SPATA6: variants seen among roughly 807,000 people sequenced by gnomAD.
The protein encoded by SPATA6 is spermatogenesis-associated protein 6.
In SPATA6, 56 loss-of-function variants were observed where a neutral mutation model predicts 65.3. The observed-to-expected ratio is 0.86, with a 90% CI of 0.69 to 1.07. SPATA6 has a LOEUF of 1.07. Ranked by LOEUF, SPATA6 falls within the 50% of genes least tolerant of loss-of-function variation. SPATA6 has a pLI of 0.00. For synonymous variants in SPATA6, 199 were observed against 213.2 expected, an observed-to-expected ratio of 0.93 and a Z score of 0.58; for missense variants, 590 against 594.8, an observed-to-expected ratio of 0.99 and a Z score of 0.08.
chr1:48,376,229 C>T (rs774442135), intron 9 of SPATA6, among the ~76,000 whole-genome samples: 4 of 152,052 alleles, frequency 2.6e-5, no homozygotes, highest in Non-Finnish European at 4.4e-5. Flanking sequence ...AAATCCCCTT[C>T]AGAATGGGAC....
intron 11 of SPATA6, among the ~76,000 whole-genome samples, chr1:48,333,762 A>C (rs1301848268): frequency 6.6e-6 from 1 of 152,232 alleles, no homozygotes; most frequent in African/African-American, 2.4e-5. Flanking sequence ...CAAACTCTAA[A>C]GCTAGCAGAA....
intron 9 of SPATA6, among the ~76,000 whole-genome samples, chr1:48,366,439 G>A (rs138890371): frequency 6.6e-6 from 1 of 152,104 alleles, no homozygotes; most frequent in African/African-American, 2.4e-5. Context: ...GACTCTCTTT[G>A]GTTGGTAAGC....
At chr1:48,310,974 G>A (rs1645192290) in intron 11 of SPATA6, among the ~76,000 whole-genome samples, 1 of 152,042 alleles carries the variant, frequency 6.6e-6, no homozygotes, top group South Asian at 2.1e-4. Flanking sequence ...ACTACTAAAT[G>A]ATCAGTAGGC....
chr1:48,402,907 A>G (rs77935630), intron 6 of SPATA6, among the ~76,000 whole-genome samples: 8,734 of 152,232 alleles, frequency 0.057, 373 homozygotes, highest in African/African-American at 0.11. Flanking sequence ...GGCCAGGCAG[A>G]TAAGTGCACA....
At chr1:48,323,071 G>A (rs1279657031) in intron 11 of SPATA6, among the ~76,000 whole-genome samples, 1 of 152,110 alleles carries the variant, frequency 6.6e-6, no homozygotes, top group Admixed American at 6.5e-5. Flanking sequence ...CCATTACTGG[G>A]TATATACCCA....
chr1:48,468,995 T>C (rs1028146966), intron 1 of SPATA6, among the ~76,000 whole-genome samples: 2 of 152,196 alleles, frequency 1.3e-5, no homozygotes, highest in Non-Finnish European at 2.9e-5. Context: ...TCTCACTGTG[T>C]TGCCCAGGCT....
At chr1:48,302,870 CTTG>C (rs1644973499) in intron 12 of SPATA6, among the ~76,000 whole-genome samples, 2 of 151,998 alleles carry the variant, frequency 1.3e-5, no homozygotes, top group Non-Finnish European at 2.9e-5. Flanking sequence ...GCCTCCTCTG[CTTG>C]TTTGCCAAGT....
At chr1:48,273,605 T>C in the SPATA6 span, among the ~76,000 whole-genome samples, 1 of 152,176 alleles carries the variant, frequency 6.6e-6, no homozygotes, top group Non-Finnish European at 1.5e-5. Flanking sequence ...GGTTTTCTGT[T>C]CCTGTGTTAG....
intron 1 of SPATA6, among the ~76,000 whole-genome samples, chr1:48,471,650 C>G (rs1460744184): frequency 6.6e-6 from 1 of 152,156 alleles, no homozygotes; most frequent in Admixed American, 6.5e-5. Context: ...CGCACATACA[C>G]TCTCTCTCAC....
At chr1:48,419,651 G>T (rs1428272833) in intron 3 of SPATA6, among the ~76,000 whole-genome samples, 1 of 152,136 alleles carries the variant, frequency 6.6e-6, no homozygotes, top group East Asian at 1.9e-4. Context: ...ATGGGTAAGG[G>T]TAGGTTACTT....
At chr1:48,367,533 C>G (rs1185608647) in intron 9 of SPATA6, among the ~76,000 whole-genome samples, 1 of 152,168 alleles carries the variant, frequency 6.6e-6, no homozygotes, top group Non-Finnish European at 1.5e-5. Flanking sequence ...TTGAATTGAT[C>G]CCTTTACCAT....
chr1:48,349,836 C>G (rs1170555906), intron 11 of SPATA6, among the ~76,000 whole-genome samples: 1 of 151,852 alleles, frequency 6.6e-6, no homozygotes, highest in African/African-American at 2.4e-5. Context: ...CCATTGAAGA[C>G]AGACATGCCA....
At chr1:48,347,523 A>G (rs1477723318) in intron 11 of SPATA6, among the ~76,000 whole-genome samples, 1 of 147,530 alleles carries the variant, frequency 6.8e-6, no homozygotes, top group Non-Finnish European at 1.5e-5. Context: ...ATAATGTATT[A>G]AATTAATTAT....
At chr1:48,433,854 T>A (rs575109487) in intron 3 of SPATA6, among the ~76,000 whole-genome samples, 2 of 152,284 alleles carry the variant, frequency 1.3e-5, no homozygotes, top group African/African-American at 4.8e-5. Context: ...AAAAAGACTT[T>A]ACCTGATATT....
chr1:48,405,410 C>G (rs1651605462), intron 5 of SPATA6, among the ~76,000 whole-genome samples: 1 of 152,152 alleles, frequency 6.6e-6, no homozygotes, highest in Admixed American at 6.5e-5. Context: ...AGAGGTTGAG[C>G]TATGTGTTTC....
chr1:48,399,199 A>T, intron 7 of SPATA6, 152 bp downstream of exon 7: 1 of 924,888 alleles, frequency 1.1e-6, no homozygotes, highest in Non-Finnish European at 1.6e-6. Flanking sequence ...TTTCATTCTA[A>T]ATTAATTTCC....
chr1:48,324,913 C>T (rs997766159), intron 11 of SPATA6, among the ~76,000 whole-genome samples: 5 of 152,146 alleles, frequency 3.3e-5, no homozygotes, highest in African/African-American at 1.2e-4. Flanking sequence ...AATTATCTTT[C>T]CTTGCAGATG....
chr1:48,314,801 T>G (rs918607613), intron 11 of SPATA6, among the ~76,000 whole-genome samples: 2 of 151,794 alleles, frequency 1.3e-5, no homozygotes, highest in Non-Finnish European at 2.9e-5. Flanking sequence ...CTAGCAACAC[T>G]AATAAAGAAG....
chr1:48,327,930 A>G (rs1367342731), intron 11 of SPATA6, among the ~76,000 whole-genome samples: 2 of 152,200 alleles, frequency 1.3e-5, no homozygotes, highest in Non-Finnish European at 2.9e-5. Flanking sequence ...ACATTACACC[A>G]TATATCCATG....
Sources: allele counts gnomAD v4.1 joint callset (sites outside exome capture counted in the v4.1 genomes callset), GRCh38; gene constraint gnomAD v4.1.1; transcripts MANE v1.5; gene names NCBI Gene and HGNC (gene_info 2026-07-23, HGNC 2026-07-21).